The following USP28 variants were observed in gnomAD, a reference collection of about 807,000 sequenced individuals.
USP28 encodes the protein ubiquitin carboxyl-terminal hydrolase 28.
In USP28, 113 loss-of-function variants were observed where a neutral mutation model predicts 145.0. The ratio of observed to expected loss-of-function variants is 0.78; its 90% CI spans 0.67 to 0.91. The LOEUF (loss-of-function observed/expected upper bound fraction) is 0.91. Among genes scored for constraint, USP28 ranks in the 40% least tolerant of loss-of-function variants. USP28 has a pLI of 0.00. For missense variants in USP28, 1,201 were observed against 1,289.6 expected, an observed-to-expected ratio of 0.93 and a Z score of 1.05; for synonymous variants, 447 against 450.9, an observed-to-expected ratio of 0.99 and a Z score of 0.11.
At chr11:113,799,536 C>T in intron 24 of USP28, 121 bp from the exon 26 acceptor site, 1 of 1,142,094 alleles carries the variant, frequency 8.8e-7, no homozygotes, top group Non-Finnish European at 1.2e-6. Context: ...TGGCCAGTTA[C>T]TAATAAATGA....
chr11:113,844,398 C>G (rs11560843), intron 3 of USP28, among the ~76,000 whole-genome samples: 2 of 151,170 alleles, frequency 1.3e-5, no homozygotes, highest in South Asian at 2.1e-4. Flanking sequence ...GAGCCGAGAT[C>G]GTACCACTGC....
intron 1 of USP28, among the ~76,000 whole-genome samples, chr11:113,869,172 C>G (rs1027154316): frequency 1.3e-5 from 2 of 152,074 alleles, no homozygotes; most frequent in African/African-American, 4.8e-5. Context: ...GTGGCTCACG[C>G]CTATAATCCC....
At chr11:113,826,936 A>C (rs1185643534) in intron 11 of USP28, among the ~76,000 whole-genome samples, 2 of 150,312 alleles carry the variant, frequency 1.3e-5, no homozygotes, top group African/African-American at 4.9e-5. Flanking sequence ...AAAAAAAAAC[A>C]AAAATTCTAT....
chr11:113,846,293 G>C (rs1945839759), intron 3 of USP28, among the ~76,000 whole-genome samples: 1 of 152,186 alleles, frequency 6.6e-6, no homozygotes, highest in Non-Finnish European at 1.5e-5. Flanking sequence ...CATTTAAGTA[G>C]TTAAGATGGC....
At position 113,831,998 on chromosome 11, in the gene USP28, A is replaced by G. The variant is rs1389783476; in HGVS notation, c.760-5T>C. 1.2e-6 allele frequency: 2 copies of G among 1,611,614 alleles called. No homozygotes were observed. The highest frequency in any genetic ancestry group is 1.7e-5 in the Admixed American group (1 of 59,876). ...TGTGAATTCACTCACATCTTGCTATAAGAGAGGCACAAATTGCATAAAAGT... is the reference window on the plus strand; with the variant it reads ...TGTGAATTCACTCACATCTTGCTATGAGAGAGGCACAAATTGCATAAAAGT... On this transcript the variant is annotated splice_region_variant and splice_polypyrimidine_tract_variant and intron_variant, in intron 7 of 24. Coordinates refer to ENST00000003302, the Ensembl canonical transcript of USP28.
intron 3 of USP28, among the ~76,000 whole-genome samples, chr11:113,843,453 C>T (rs147493889): frequency 1.1e-4 from 17 of 152,164 alleles, no homozygotes; most frequent in Admixed American, 4.6e-4. Flanking sequence ...AGGCAGATCA[C>T]CTGAGATTGG....
intron 14 of USP28, among the ~76,000 whole-genome samples, chr11:113,814,775 G>A (rs1400400953): frequency 1.3e-5 from 2 of 152,022 alleles, no homozygotes; most frequent in Admixed American, 6.6e-5. Context: ...TGGGCCAGAC[G>A]TAGTGGCTCA....
chr11:113,829,543 A>C, intron 9 of USP28, 198 bp from the exon 10 acceptor site: 1 of 622,566 alleles, frequency 1.6e-6, no homozygotes, highest in South Asian at 2.2e-5. Context: ...CACTGGAAAA[A>C]GACCAGGGGC....
chr11:113,826,032 C>T (rs1466992333), intron 11 of USP28, among the ~76,000 whole-genome samples: 1 of 152,060 alleles, frequency 6.6e-6, no homozygotes, highest in Admixed American at 6.6e-5. Flanking sequence ...CGCCTATAAT[C>T]CCAGCACTTT....
At chr11:113,819,665 A>G (rs1942310454) in intron 12 of USP28, among the ~76,000 whole-genome samples, 1 of 152,258 alleles carries the variant, frequency 6.6e-6, no homozygotes, top group Non-Finnish European at 1.5e-5. Flanking sequence ...AAATGTATCA[A>G]GGGAATAATT....
At chr11:113,864,319 A>G (rs1417072440) in intron 1 of USP28, among the ~76,000 whole-genome samples, 1 of 152,242 alleles carries the variant, frequency 6.6e-6, no homozygotes, top group Non-Finnish European at 1.5e-5. Context: ...TGAACTGGAA[A>G]ACTGTACTAG....
chr11:113,863,257 TAA>T (rs899365519), intron 1 of USP28, among the ~76,000 whole-genome samples: 3 of 151,510 alleles, frequency 2.0e-5, no homozygotes, highest in Middle Eastern at 3.4e-3. Context: ...AAAAGGAAAT[TAA>T]AAAAAAATTA....
At chr11:113,808,159 A>G (rs1264157641) in intron 18 of USP28, 23 bp from the exon 19 acceptor site, 2 of 1,519,494 alleles carry the variant, frequency 1.3e-6, no homozygotes, top group East Asian at 2.3e-5. Context: ...AGTGGGGAGA[A>G]AGAGTAAGAA....
At chr11:113,846,908 T>C (rs1382387881) in intron 3 of USP28, among the ~76,000 whole-genome samples, 4 of 152,134 alleles carry the variant, frequency 2.6e-5, no homozygotes, top group Non-Finnish European at 5.9e-5. Flanking sequence ...GGCAGGAGAA[T>C]AGCTTATACC....
chr11:113,855,814 G>A (rs1391693184), intron 1 of USP28, among the ~76,000 whole-genome samples: 2 of 152,246 alleles, frequency 1.3e-5, no homozygotes, highest in Non-Finnish European at 2.9e-5. Context: ...AGGAGGCTGA[G>A]GCAGGAGAAT....
At chr11:113,804,937 G>A in exon 20 of USP28, 1 of 1,614,182 alleles carries the variant, frequency 6.2e-7, no homozygotes, top group Non-Finnish European at 8.5e-7. Flanking sequence ...CCTTTTGGGT[G>A]CTTCATTTTG....
chr11:113,849,416 C>T (rs1485681384), intron 3 of USP28, among the ~76,000 whole-genome samples: 1 of 152,114 alleles, frequency 6.6e-6, no homozygotes, highest in Middle Eastern at 3.2e-3. Flanking sequence ...GTGTTGATTG[C>T]ATGTTGTTTT....
intron 5 of USP28, among the ~76,000 whole-genome samples, chr11:113,836,727 C>T (rs1944607077): frequency 6.6e-6 from 1 of 152,180 alleles, no homozygotes; most frequent in Non-Finnish European, 1.5e-5. Flanking sequence ...CCCTGTGCAT[C>T]CTTGCCCCTC....
rs201395534 is a variant in USP28, at chr11:113,867,271, C to CT, written c.57+8173dup. On this transcript the variant is annotated intron_variant, in intron 1 of 24. Transcript: ENST00000003302. ...ATGTCACTGAACTTGTACACTTGAA[C>CT]TTTTTTTTTTTGGAGACAGAGTTTT... Among the ~76,000 whole-genome samples the CT allele has an allele frequency of 1.2e-3, 182 of 146,600 alleles. 1 individual carries two copies. The East Asian group carries it at 0.024, about 19-fold the overall frequency.
Sources: allele counts gnomAD v4.1 joint callset (sites outside exome capture counted in the v4.1 genomes callset), GRCh38; gene constraint gnomAD v4.1.1; transcripts MANE v1.5; gene names NCBI Gene and HGNC (gene_info 2026-07-23, HGNC 2026-07-21).